KLF7: variants seen among roughly 807,000 people sequenced by gnomAD.
The protein encoded by KLF7 is KLF transcription factor 7, also known as Krueppel-like factor 7.
In KLF7, 2 loss-of-function variants were observed where a neutral mutation model predicts 27.3. The observed-to-expected ratio is 0.07, with a 90% CI of 0.03 to 0.23. The LOEUF is 0.23. Among genes scored for constraint, KLF7 ranks in the 10% least tolerant of loss-of-function variants. KLF7 has a pLI of 1.00. For missense variants in KLF7, 221 were observed against 394.1 expected, an observed-to-expected ratio of 0.56 and a Z score of 3.72; for synonymous variants, 165 against 162.4, an observed-to-expected ratio of 1.02 and a Z score of -0.12.
intron 1 of KLF7, among the ~76,000 whole-genome samples, chr2:207,131,833 T>G (rs1428514919): frequency 6.6e-6 from 1 of 152,152 alleles, no homozygotes; most frequent in East Asian, 1.9e-4. Context: ...AGGAAAAAGA[T>G]GTACTATGCT....
intron 2 of KLF7, among the ~76,000 whole-genome samples, chr2:207,098,578 AGAACGTATACAG>A (rs1159349489): frequency 6.6e-6 from 1 of 151,906 alleles, no homozygotes; most frequent in Non-Finnish European, 1.5e-5. Context: ...CATACAGCAG[AGAACGTATACAG>A]GAACAGACTC....
chr2:207,124,334 A>G lies in KLF7; in HGVS notation c.173T>C (p.Leu58Ser). 6.2e-7 allele frequency: 1 copy of G among 1,608,166 alleles called. No homozygotes were observed. Among genetic ancestry groups the G allele is most frequent in the Non-Finnish European group, 8.5e-7 (1 of 1,175,310 alleles). ...RRISETFGED[L>S]DCFLHASPPP... ...AGGGGAAGCGTGGAGGAAACAGTCC[A>G]AGTCCTCACCAAAGGTCTCTGAGAT... Residue 58 changes from leucine (L) to serine (S), a missense_variant, in exon 2 of 4, where the codon TTG (leucine) becomes TCG (serine). This residue lies in a region of KLF7 where 180 missense variants were observed against 227.9 expected (regional missense o/e 0.79). Transcript: ENST00000309446.
At chr2:207,101,610 C>T (rs555635320) in intron 2 of KLF7, among the ~76,000 whole-genome samples, 1 of 152,228 alleles carries the variant, frequency 6.6e-6, no homozygotes, top group Admixed American at 6.5e-5. Flanking sequence ...TAATGCCAAA[C>T]CCTGAGGAAC....
At chr2:207,114,964 A>C (rs1262042125) in intron 2 of KLF7, among the ~76,000 whole-genome samples, 3 of 152,214 alleles carry the variant, frequency 2.0e-5, no homozygotes, top group Non-Finnish European at 2.9e-5. Context: ...ACTTTACTGA[A>C]TTCCATACAT....
chr2:207,152,178 C>CA (rs2078264100), intron 1 of KLF7, among the ~76,000 whole-genome samples: 1 of 151,606 alleles, frequency 6.6e-6, no homozygotes, highest in Non-Finnish European at 1.5e-5. Flanking sequence ...TCCACTTCCA[C>CA]AAAAAAATAA....
chr2:207,102,509 T>G (rs1377377448), intron 2 of KLF7, among the ~76,000 whole-genome samples: 2 of 152,224 alleles, frequency 1.3e-5, no homozygotes, highest in Non-Finnish European at 1.5e-5. Context: ...AATGTTCTCA[T>G]GAAATGCAAA....
chr2:207,096,510 G>T (rs187968449), intron 2 of KLF7, among the ~76,000 whole-genome samples: 129 of 152,330 alleles, frequency 8.5e-4, no homozygotes, highest in African/African-American at 3.1e-3. Context: ...AGATACGAAG[G>T]AGGAGTTAAC....
intron 1 of KLF7, among the ~76,000 whole-genome samples, chr2:207,153,652 C>A (rs2078306415): frequency 6.7e-6 from 1 of 149,884 alleles, no homozygotes; most frequent in Non-Finnish European, 1.5e-5. Context: ...AGTGTAATTC[C>A]AGGGGAAAAA....
rs552844619 is a variant in KLF7 at position 207,098,095 on chromosome 2, G to C, written c.734-9514C>G. Among the ~76,000 whole-genome samples, 517 of 151,120 alleles carry C rather than the reference G, an allele frequency of 3.4e-3. 4 individuals are homozygous for C. The highest frequency in any genetic ancestry group is 4.4e-3 in the Admixed American group (66 of 15,098). On this transcript the variant is annotated intron_variant, in intron 2 of 3. Transcript: ENST00000309446. ...AAACAGGTAAGCATGATCATTTGGG[G>C]AAACTATATTTATTATTTTTTTTAA...
intron 1 of KLF7, among the ~76,000 whole-genome samples, chr2:207,154,552 C>T (rs1046691467): frequency 1.3e-5 from 2 of 152,148 alleles, no homozygotes; most frequent in African/African-American, 4.8e-5. Flanking sequence ...CCCAGCATTC[C>T]GCTTTCCCCT....
chr2:207,088,265 C>T (rs1348085306), intron 3 of KLF7, among the ~76,000 whole-genome samples, 193 bp downstream of exon 3: 1 of 152,162 alleles, frequency 6.6e-6, no homozygotes, highest in Non-Finnish European at 1.5e-5. Flanking sequence ...ACCAAGAATT[C>T]ACACCACCTC....
intron 3 of KLF7, among the ~76,000 whole-genome samples, chr2:207,086,968 CTTCT>C (rs1478468629): frequency 1.3e-5 from 2 of 152,178 alleles, no homozygotes; most frequent in Non-Finnish European, 2.9e-5. Context: ...ATCTGCAGGG[CTTCT>C]TTATTAGCCA....
rs368151916 is a variant in KLF7 at position 207,079,555 on chromosome 2, G to A, written c.*1658C>T. 2 of 152,262 alleles carry A rather than the reference G, an allele frequency of 1.3e-5. No homozygotes were observed. Among genetic ancestry groups the A allele is most frequent in the African/African-American group, 4.8e-5 (2 of 41,448 alleles). The allele number at this position is 152,262 out of a possible 1,614,324, so 9.4% of individuals were successfully genotyped here. A position where few individuals can be genotyped will look rare whatever the true frequency, so the allele number is the denominator to read the frequency against. On this transcript the variant is annotated 3_prime_UTR_variant, in exon 4 of 4. Transcript: ENST00000309446. ...GCTTGCTTGCATAGGCCATTTGATG[G>A]TCCTAAAGGCAGTCTTTGGAGTTGA...
Position 207,093,226 on chromosome 2 carries a change from A to C in KLF7, c.734-4645T>G, listed in dbSNP as rs574533004. ...GCCAGACTGCCAAAGACATTCACCC[A>C]AAAAAAGGTTAAGATGAAATTAAAG... On this transcript the variant is annotated intron_variant, in intron 2 of 3. Coordinates refer to ENST00000309446, the MANE Select transcript of KLF7 (RefSeq NM_003709.4). 4.2e-4 allele frequency among the ~76,000 whole-genome samples: 64 copies of C among 152,320 alleles called. 1 individual carries two copies. In the South Asian group the frequency reaches 5.0e-3, roughly 12 times the overall value.
chr2:207,099,990 C>T (rs1377189296), intron 2 of KLF7, among the ~76,000 whole-genome samples: 1 of 152,062 alleles, frequency 6.6e-6, no homozygotes, highest in Admixed American at 6.5e-5. Context: ...ATTAGCTGGG[C>T]ATGGTGGTGC....
intron 1 of KLF7, among the ~76,000 whole-genome samples, chr2:207,147,352 AAACAG>A (rs2078123698): frequency 1.3e-5 from 2 of 152,328 alleles, no homozygotes; most frequent in South Asian, 4.1e-4. Context: ...AAAAACATTG[AAACAG>A]AACAGAAAAG....
chr2:207,144,540 A>G (rs1261672871), intron 1 of KLF7, among the ~76,000 whole-genome samples: 1 of 152,102 alleles, frequency 6.6e-6, no homozygotes, highest in Non-Finnish European at 1.5e-5. Flanking sequence ...TTTCCCTCTC[A>G]TAGGTCATAT....
At chr2:207,166,953 G>GCCGCCA, upstream of KLF7, 1 of 789,170 alleles carries the variant, frequency 1.3e-6, no homozygotes, top group Non-Finnish European at 1.6e-6. Context: ...CGCCGCCGCC[G>GCCGCCA]CCCTCCCTCC....
At chr2:207,098,291 C>CA (rs1217095471) in intron 2 of KLF7, among the ~76,000 whole-genome samples, 5 of 152,014 alleles carry the variant, frequency 3.3e-5, no homozygotes, top group Non-Finnish European at 4.4e-5. Flanking sequence ...TTACCAGTTA[C>CA]AATAAAGTTA....
Sources: allele counts gnomAD v4.1 joint callset (sites outside exome capture counted in the v4.1 genomes callset), GRCh38; gene constraint gnomAD v4.1.1; regional missense constraint gnomAD v4.1.1; transcripts MANE v1.5; gene names NCBI Gene and HGNC (gene_info 2026-07-23, HGNC 2026-07-21).